The following ZNF780B variants were observed in gnomAD, a reference collection of about 807,000 sequenced individuals.
ZNF780B encodes the protein zinc finger protein 780B.
ZNF780B carries 52 observed loss-of-function variants against 74.1 expected under a neutral mutation model. The ratio of observed to expected loss-of-function variants is 0.70; its 90% CI spans 0.56 to 0.88. The LOEUF (loss-of-function observed/expected upper bound fraction) is 0.88, where lower values mean the gene tolerates loss of function less well. Among genes scored for constraint, ZNF780B ranks in the 40% least tolerant of loss-of-function variants. The probability of loss-of-function intolerance (pLI) is 0.00; values close to 1 mark genes in which losing one functional copy is unlikely to be tolerated. For synonymous variants in ZNF780B, 315 were observed against 324.3 expected (o/e 0.97, Z 0.31); for missense variants, 953 against 1,007.6 (o/e 0.95, Z 0.73).
intron 4 of ZNF780B, among the ~76,000 whole-genome samples, chr19:40,040,375 T>A (rs1972575556): frequency 6.6e-6 from 1 of 152,228 alleles, no homozygotes; most frequent in South Asian, 2.1e-4. Context: ...AATTCTCTTT[T>A]TTCGTTGTGT....
At chr19:40,047,515 AT>A (rs766327951) in intron 3 of ZNF780B, 45 bp from the exon 4 acceptor site, 44 of 1,434,506 alleles carry the variant, frequency 3.1e-5, no homozygotes, top group South Asian at 4.0e-5. Context: ...TAATATAAAA[AT>A]TTTTTTTAAA....
Position 40,031,713 on chromosome 19 carries a change from T to C in ZNF780B, c.*2644A>G, listed in dbSNP as rs1444928632. On this transcript the variant is annotated 3_prime_UTR_variant, in exon 5 of 5. Coordinates refer to ENST00000434248, the MANE Select transcript of ZNF780B (RefSeq NM_001005851.3). ...TGTACTGAGTACAGTGTCAGCCATATCACACAAGTTGAATTATGTTGACGC... is the reference window on the plus strand; with the variant it reads ...TGTACTGAGTACAGTGTCAGCCATACCACACAAGTTGAATTATGTTGACGC... 9.2e-6 allele frequency: 2 copies of C among 217,302 alleles called. No homozygotes were observed. Among genetic ancestry groups the C allele is most frequent in the African/African-American group, 4.6e-5 (2 of 43,674 alleles). The allele number at this position is 217,302 out of a possible 1,614,324, so 13.5% of individuals were successfully genotyped here.
At chr19:40,044,508 G>T (rs1320038181) in intron 4 of ZNF780B, among the ~76,000 whole-genome samples, 1 of 152,212 alleles carries the variant, frequency 6.6e-6, no homozygotes, top group Middle Eastern at 3.4e-3. Flanking sequence ...ACCAGTCAAG[G>T]ACACTATCCT....
At position 40,034,821 on chromosome 19, in the gene ZNF780B, G is replaced by A. The variant is rs759608419; in HGVS notation, c.2038C>T (p.Arg680Cys). 1.9e-6 allele frequency: 3 copies of A among 1,613,748 alleles called. No individual in the cohort carries two copies. The highest frequency in any genetic ancestry group is 2.5e-6 in the Non-Finnish European group (3 of 1,179,964). ...ECKECGKGFS[R>C]VSNLIQHQKT... Reference sequence around the variant, plus strand: ...TGATGCTGAATAAGGTTTGAAACACGACTAAAGCCTTTCCCACACTCCTTA... The same window carrying A: ...TGATGCTGAATAAGGTTTGAAACACAACTAAAGCCTTTCCCACACTCCTTA... Residue 680 changes from arginine to cysteine, a missense_variant, in exon 5 of 5, where the codon CGT becomes TGT. Transcript: ENST00000434248.
Position 40,034,094 on chromosome 19 carries a change from A to G in ZNF780B, c.*263T>C, listed in dbSNP as rs1474729578. 1.9e-6 allele frequency: 1 copy of G among 537,408 alleles called. No homozygotes were observed. Among genetic ancestry groups the G allele is most frequent in the Non-Finnish European group, 3.4e-6 (1 of 292,498 alleles). The allele number at this position is 537,408 out of a possible 1,614,324, so 33.3% of individuals were successfully genotyped here. A position where few individuals can be genotyped will look rare whatever the true frequency, so the allele number is the denominator to read the frequency against. On this transcript the variant is annotated 3_prime_UTR_variant, in exon 5 of 5. Transcript: ENST00000434248. ...CTAAAGGCCTTTTCACATTCCTTAC[A>G]TTCATAGGGTTTCTCATCAGTATGA...
chr19:40,046,013 A>G (rs1972917166), intron 4 of ZNF780B, among the ~76,000 whole-genome samples: 1 of 152,098 alleles, frequency 6.6e-6, no homozygotes, highest in African/African-American at 2.4e-5. Context: ...CAAATATCAT[A>G]TGTTCTCATT....
In ZNF780B at chr19:40,034,728, G is replaced by A. The variant is rs1972155055; in HGVS notation, c.2131C>T (p.Gln711Ter). Residue 711 changes from glutamine (Q) to a stop codon, truncating the protein, a stop_gained, in exon 5 of 5, where the codon CAG becomes TAG. Coordinates refer to ENST00000434248, the MANE Select transcript of ZNF780B (RefSeq NM_001005851.3). LOFTEE classifies it high-confidence loss of function. ...TGAATTCGGTAATGTTCAGTAAGCT[G>A]GTAATGATATCTAAAGGTCTTCCTA... Reference protein sequence around the residue: ...ECRKTFRYHYQLTEHYRIHTG... With the variant: ...ECRKTFRYHY The A allele has an allele frequency of 6.2e-7, 1 of 1,613,888 alleles. No individual in the cohort carries two copies. The highest frequency in any genetic ancestry group is 2.2e-5 in the East Asian group (1 of 44,862).
Position 40,035,025 on chromosome 19 carries a change from G to T in ZNF780B, c.1834C>A (p.Pro612Thr). 1.2e-6 allele frequency: 2 copies of T among 1,614,066 alleles called. No individual in the cohort carries two copies. The highest frequency in any genetic ancestry group is 1.7e-6 in the Non-Finnish European group (2 of 1,179,946). ...RHQKFHTGEK[P>T]FECKECGKAF... ...TTGCCACATTCCTTACATTCAAAGG[G>T]CTTCTCACCAGTATGAAATTTCTGA... The change falls in exon 5 of 5, where the codon CCC (proline) becomes ACC (threonine). Residue 612 changes from proline to threonine, a missense_variant. Pro to Thr is a conservative substitution (Grantham distance 38). Transcript: ENST00000434248.
At chr19:40,040,386 C>T (rs1479698531) in intron 4 of ZNF780B, among the ~76,000 whole-genome samples, 1 of 152,140 alleles carries the variant, frequency 6.6e-6, no homozygotes, top group South Asian at 2.1e-4. Context: ...TTCGTTGTGT[C>T]TCTGCCCAGC....
At chr19:40,049,716 T>C (rs984780407) in intron 2 of ZNF780B, among the ~76,000 whole-genome samples, 1 of 152,204 alleles carries the variant, frequency 6.6e-6, no homozygotes, top group Admixed American at 6.5e-5. Flanking sequence ...CATGTTTCCC[T>C]GTGGGGACCA....
Position 40,033,302 on chromosome 19 carries a change from C to A in ZNF780B, c.*1055G>T. 6.4e-6 allele frequency: 1 copy of A among 155,084 alleles called. No individual in the cohort carries two copies. 9.6% of individuals were successfully genotyped at this position (155,084 alleles called of 1,614,324 possible). A position where few individuals can be genotyped will look rare whatever the true frequency, so the allele number is the denominator to read the frequency against. On this transcript the variant is annotated 3_prime_UTR_variant, in exon 5 of 5. Transcript: ENST00000434248. ...AGACTTATTCACTGCAAGGTTGCTG[C>A]AAACCTTCAGTGTGTATAAAATGCA...
chr19:40,036,103 C>T lies in ZNF780B; in HGVS notation c.756G>A (p.Lys252=). Residue 252 remains lysine (K), a synonymous_variant, in exon 5 of 5, where the codon AAG becomes AAA. Transcript: ENST00000434248. ...TACGATTAAAAGACTTCCCACATTC[C>T]TTACATTCAAACAGTTTCTTAACTG... ...IHTVKKLFEC[K]ECGKSFNRSS... is the part of the protein sequence containing the mutation. 6.2e-7 allele frequency: 1 copy of T among 1,613,382 alleles called. No homozygotes were observed. The highest frequency in any genetic ancestry group is 8.5e-7 in the Non-Finnish European group (1 of 1,179,750).
intron 1 of ZNF780B, among the ~76,000 whole-genome samples, chr19:40,051,793 G>GA (rs991990477): frequency 2.4e-4 from 37 of 152,252 alleles, no homozygotes; most frequent in African/African-American, 7.0e-4. Context: ...GTGGCATCTG[G>GA]AAACTACATG....
At chr19:40,039,673 T>C (rs1249231183) in intron 4 of ZNF780B, among the ~76,000 whole-genome samples, 4 of 152,310 alleles carry the variant, frequency 2.6e-5, no homozygotes, top group South Asian at 2.1e-4. Context: ...TCTGAAGCAA[T>C]TGTGAATGGG....
In ZNF780B at chr19:40,032,415, C is replaced by T; in HGVS notation, c.*1942G>A. On this transcript the variant is annotated 3_prime_UTR_variant, in exon 5 of 5. Coordinates refer to ENST00000434248, the MANE Select transcript of ZNF780B (RefSeq NM_001005851.3). The stretch of plus-strand genomic sequence containing the variant: ...CAATGCAGAATCTGCAATGGACTCT[C>T]CTTAGAAAATGAATAGCTGTAGGCC... 2 of 379,714 alleles carry T rather than the reference C, an allele frequency of 5.3e-6. No individual in the cohort carries two copies. The highest frequency in any genetic ancestry group is 8.2e-5 in the East Asian group (1 of 12,212). 23.5% of individuals were successfully genotyped at this position (379,714 alleles called of 1,614,324 possible). A position where few individuals can be genotyped will look rare whatever the true frequency, so the allele number is the denominator to read the frequency against.
intron 4 of ZNF780B, among the ~76,000 whole-genome samples, chr19:40,037,905 TA>T (rs1386870796): frequency 1.3e-5 from 2 of 149,418 alleles, no homozygotes; most frequent in East Asian, 1.9e-4. Context: ...TATATATATA[TA>T]TTTTTTTAAT....
chr19:40,055,506 G>A (rs140889228), intron 1 of ZNF780B: 1 of 152,120 alleles, frequency 6.6e-6, no homozygotes, highest in South Asian at 2.1e-4. Context: ...TACGGCAAGC[G>A]TGAGACTCCA....
At chr19:40,047,621 TG>T in intron 3 of ZNF780B, 151 bp from the exon 4 acceptor site, 4 of 450,920 alleles carry the variant, frequency 8.9e-6, no homozygotes, top group Non-Finnish European at 1.5e-5. Context: ...GGATCAACTA[TG>T]TTTAAAAAAA....
At position 40,028,424 on chromosome 19, in the gene ZNF780B, A is replaced by C. The variant is rs1971936134; in HGVS notation, c.*5933T>G. 1 of 152,182 alleles carries C rather than the reference A, an allele frequency of 6.6e-6. No homozygotes were observed. Among genetic ancestry groups the C allele is most frequent in the African/African-American group, 2.4e-5 (1 of 41,452 alleles). 9.4% of individuals were successfully genotyped at this position (152,182 alleles called of 1,614,324 possible). A position where few individuals can be genotyped will look rare whatever the true frequency, so the allele number is the denominator to read the frequency against. ...GCAGAAATACATATTCTTGAAGAAA[A>C]AAAATGTCTCCCTTATGGGTACTGT... On this transcript the variant is annotated 3_prime_UTR_variant, in exon 5 of 5. Coordinates refer to ENST00000434248, the MANE Select transcript of ZNF780B (RefSeq NM_001005851.3).
Sources: gnomAD v4.1 joint callset for allele counts (sites outside exome capture counted in the v4.1 genomes callset) on GRCh38, gnomAD v4.1.1 for gene constraint, MANE v1.5 for transcripts, NCBI Gene and HGNC (gene_info 2026-07-23, HGNC 2026-07-21) for gene names.